INPP5A: variants seen among roughly 807,000 people sequenced by gnomAD.
INPP5A encodes the protein 43 kDa inositol polyphosphate 5-phophatase.
In INPP5A, 14 loss-of-function variants were observed where a neutral mutation model predicts 65.2. The ratio of observed to expected loss-of-function variants is 0.21; its 90% CI spans 0.14 to 0.34. The LOEUF (loss-of-function observed/expected upper bound fraction) is 0.34, where lower values mean the gene tolerates loss of function less well. INPP5A is among the 10% of genes least tolerant of loss of function. INPP5A has a pLI of 1.00. For missense variants in INPP5A, 431 were observed against 545.6 expected (o/e 0.79, Z 2.09); for synonymous variants, 207 against 208.3 (o/e 0.99, Z 0.05).
At chr10:132,539,394 C>G (rs912653007) in intron 1 of INPP5A, among the ~76,000 whole-genome samples, 52 of 152,346 alleles carry the variant, frequency 3.4e-4, no homozygotes, top group African/African-American at 1.2e-3. Context: ...TGCTGAGAAG[C>G]TCTTCAGGGC....
chr10:132,538,751 A>G lies in INPP5A; in HGVS notation c.75+580A>G, dbSNP rs1188393621. ...CTGGTCCCTGAGCCCTGGACCCCAA[A>G]CCCTGAAACATAACCACAAACCCTA... On this transcript the variant is annotated intron_variant, in intron 1 of 15. Transcript: ENST00000368594. The surrounding 1 kb of genome is among the most constrained non-coding windows in gnomAD (Gnocchi z 4.1). Among the ~76,000 whole-genome samples the G allele has an allele frequency of 6.6e-6, 1 of 151,980 alleles. No homozygotes were observed. Among genetic ancestry groups the G allele is most frequent in the Non-Finnish European group, 1.5e-5 (1 of 67,990 alleles).
At chr10:132,721,495 G>A (rs151280118) in intron 8 of INPP5A, among the ~76,000 whole-genome samples, 1,617 of 151,164 alleles carry the variant, frequency 0.011, 12 homozygotes, top group African/African-American at 0.036. Context: ...GGGTTCTGTG[G>A]TGCCTGGGTT....
At chr10:132,749,150 G>A (rs536747325) in intron 9 of INPP5A, among the ~76,000 whole-genome samples, 3 of 152,398 alleles carry the variant, frequency 2.0e-5, no homozygotes, top group East Asian at 1.9e-4. Context: ...GAGAGCGAGC[G>A]GGAGGAGGCC....
intron 6 of INPP5A, among the ~76,000 whole-genome samples, chr10:132,699,514 C>T (rs993882214): frequency 2.6e-5 from 4 of 152,146 alleles, no homozygotes; most frequent in East Asian, 1.9e-4. Flanking sequence ...GGGCCGTGGC[C>T]GGACCAGGTG....
rs1185920150 is a variant in INPP5A at position 132,727,095 on chromosome 10, G to C, written c.732+190G>C. 3 of 449,772 alleles carry C rather than the reference G, an allele frequency of 6.7e-6. No individual in the cohort carries two copies. Among genetic ancestry groups the C allele is most frequent in the East Asian group, 7.1e-5 (2 of 28,068 alleles). The allele number at this position is 449,772 out of a possible 1,614,324, so 27.9% of individuals were successfully genotyped here. On this transcript the variant is annotated intron_variant, in intron 9 of 15. Coordinates refer to ENST00000368594, the MANE Select transcript of INPP5A (RefSeq NM_005539.5). This position sits in a 1 kb window ranked among gnomAD's most constrained non-coding sequence, Gnocchi z 6.5. Reference sequence around the variant, plus strand: ...CAGAGGGATCCGTGTTGGAATCCGGGGTGCGCGGGCCCTCAAGGTTGCCCC... The same window carrying C: ...CAGAGGGATCCGTGTTGGAATCCGGCGTGCGCGGGCCCTCAAGGTTGCCCC...
intron 1 of INPP5A, among the ~76,000 whole-genome samples, chr10:132,542,319 G>A (rs931774180): frequency 6.6e-6 from 1 of 152,244 alleles, no homozygotes; most frequent in South Asian, 2.1e-4. Flanking sequence ...CGCTGGCAGG[G>A]ACCTGAGCAC....
At chr10:132,695,068 A>G (rs1240670760) in intron 5 of INPP5A, among the ~76,000 whole-genome samples, 2 of 152,242 alleles carry the variant, frequency 1.3e-5, no homozygotes, top group African/African-American at 4.8e-5. Context: ...CTAAAACCAG[A>G]TAAAGACATT....
In INPP5A at chr10:132,691,097, A is replaced by G. The variant is rs533622538; in HGVS notation, c.370+642A>G. 9.2e-5 allele frequency among the ~76,000 whole-genome samples: 14 copies of G among 152,354 alleles called. 1 individual carries two copies. The highest frequency in any genetic ancestry group is 2.6e-4 in the African/African-American group (11 of 41,582). ...CCATGTGAAGTGCCCTGCACGTCGTAGTAACTGTGGAGCCACAAACGATGT... is the reference window on the plus strand; with the variant it reads ...CCATGTGAAGTGCCCTGCACGTCGTGGTAACTGTGGAGCCACAAACGATGT... On this transcript the variant is annotated intron_variant, in intron 5 of 15. Transcript: ENST00000368594.
At position 132,555,184 on chromosome 10, in the gene INPP5A, A is replaced by G. The variant is rs894611862; in HGVS notation, c.75+17013A>G. On this transcript the variant is annotated intron_variant, in intron 1 of 15. Coordinates refer to ENST00000368594, the MANE Select transcript of INPP5A (RefSeq NM_005539.5). The surrounding 1 kb of genome is among the most constrained non-coding windows in gnomAD (Gnocchi z 4.4). ...GGCATGGTGGGGTGGGGGGGTGTGG[A>G]TGGCAAGCGGCAGGACCAGGTGCTG... Among the ~76,000 whole-genome samples the G allele has an allele frequency of 6.6e-6, 1 of 151,478 alleles. No individual in the cohort carries two copies. Among genetic ancestry groups the G allele is most frequent in the Non-Finnish European group, 1.5e-5 (1 of 67,858 alleles).
intron 6 of INPP5A, among the ~76,000 whole-genome samples, chr10:132,703,102 C>T (rs1845463680): frequency 6.6e-6 from 1 of 152,150 alleles, no homozygotes; most frequent in East Asian, 1.9e-4. Flanking sequence ...AGGAGCTGGT[C>T]CTGACTGTCT....
At chr10:132,608,708 C>A (rs1251803330) in intron 2 of INPP5A, among the ~76,000 whole-genome samples, 1 of 152,214 alleles carries the variant, frequency 6.6e-6, no homozygotes, top group Non-Finnish European at 1.5e-5. Flanking sequence ...GTGAGGTCAG[C>A]TTCAGGATGG....
At chr10:132,568,019 C>T (rs2071292884) in intron 1 of INPP5A, among the ~76,000 whole-genome samples, 2 of 151,882 alleles carry the variant, frequency 1.3e-5, no homozygotes, top group South Asian at 2.1e-4. Flanking sequence ...AGTGAAACCC[C>T]GTCTCTACTG....
chr10:132,615,884 G>A (rs545712043), intron 2 of INPP5A, among the ~76,000 whole-genome samples: 1 of 152,290 alleles, frequency 6.6e-6, no homozygotes, highest in Admixed American at 6.5e-5. Flanking sequence ...CGCTCTGGGC[G>A]GCTGGGATAA....
At position 132,645,850 on chromosome 10, in the gene INPP5A, G is replaced by A. The variant is rs1487917923; in HGVS notation, c.118-18G>A. 3.8e-6 allele frequency: 6 copies of A among 1,599,060 alleles called. No homozygotes were observed. Among genetic ancestry groups the A allele is most frequent in the Non-Finnish European group, 8.6e-7 (1 of 1,169,072 alleles). ...GGACGGCTCCGACGACCCTGACAGTGTGCTTCTCTCCCTCCAGGTCGTGCA... is the reference window on the plus strand; with the variant it reads ...GGACGGCTCCGACGACCCTGACAGTATGCTTCTCTCCCTCCAGGTCGTGCA... On this transcript the variant is annotated intron_variant, in intron 2 of 15. Coordinates refer to ENST00000368594, the MANE Select transcript of INPP5A (RefSeq NM_005539.5).
Position 132,782,317 on chromosome 10 carries a change from G to T in INPP5A, c.*288G>T, listed in dbSNP as rs556665141. On this transcript the variant is annotated 3_prime_UTR_variant, in exon 16 of 16. Coordinates refer to ENST00000368594, the MANE Select transcript of INPP5A (RefSeq NM_005539.5). The surrounding 1 kb of genome is among the most constrained non-coding windows in gnomAD (Gnocchi z 4.4). ...AAAACTCTAATAGACAGCAAAGAGG[G>T]TCTGTACCGTAGACTTCACAGTTTT... 5.6e-6 allele frequency: 2 copies of T among 357,904 alleles called. No homozygotes were observed. Among genetic ancestry groups the T allele is most frequent in the African/African-American group, 2.2e-5 (1 of 46,432 alleles). 22.2% of individuals were successfully genotyped at this position (357,904 alleles called of 1,614,324 possible).
chr10:132,679,559 G>A (rs2073015976), intron 4 of INPP5A, among the ~76,000 whole-genome samples: 1 of 152,124 alleles, frequency 6.6e-6, no homozygotes, highest in African/African-American at 2.4e-5. Flanking sequence ...GTAGGAGGAG[G>A]AGATCCAGGG....
At chr10:132,767,909 C>A (rs1209210537) in intron 12 of INPP5A, among the ~76,000 whole-genome samples, 1 of 147,360 alleles carries the variant, frequency 6.8e-6, no homozygotes, top group Non-Finnish European at 1.5e-5. Flanking sequence ...CCATGGACCC[C>A]AACCCTCGGC....
chr10:132,556,039 C>T (rs2071121116), intron 1 of INPP5A, among the ~76,000 whole-genome samples: 1 of 151,610 alleles, frequency 6.6e-6, no homozygotes, highest in South Asian at 2.1e-4. Context: ...GGGGGCTGCC[C>T]GGCCCCTGAA....
chr10:132,662,477 A>G (rs1299175122), intron 4 of INPP5A, among the ~76,000 whole-genome samples: 1 of 152,210 alleles, frequency 6.6e-6, no homozygotes, highest in Admixed American at 6.5e-5. Context: ...TGGTGGGCAA[A>G]AGAATCCAGA....
Sources: allele counts gnomAD v4.1 joint callset (sites outside exome capture counted in the v4.1 genomes callset), GRCh38; gene constraint gnomAD v4.1.1; non-coding constraint Gnocchi (gnomAD v3.1); transcripts MANE v1.5; gene names NCBI Gene and HGNC (gene_info 2026-07-23, HGNC 2026-07-21).